Variants in ZFYVE27 observed in about 807,000 individuals in gnomAD.
The protein encoded by ZFYVE27 is protrudin.
A neutral mutation model predicts 52.8 loss-of-function variants in ZFYVE27; 36 were observed. The observed-to-expected ratio is 0.68, with a 90% CI of 0.52 to 0.90. The LOEUF is 0.90. ZFYVE27 is among the 40% of genes least tolerant of loss of function. The pLI, the probability that ZFYVE27 is intolerant of heterozygous loss-of-function variation, is 0.00. For missense variants in ZFYVE27, 450 were observed against 527.2 expected, an observed-to-expected ratio of 0.85 and a Z score of 1.43; for synonymous variants, 223 against 215.6, an observed-to-expected ratio of 1.03 and a Z score of -0.30.
At chr10:97,750,830 T>C (rs1364087214) in intron 7 of ZFYVE27, among the ~76,000 whole-genome samples, 1 of 151,510 alleles carries the variant, frequency 6.6e-6, no homozygotes, top group Non-Finnish European at 1.5e-5. Context: ...AACCTCCATC[T>C]CCTGGGCTCA....
intron 8 of ZFYVE27, 93 bp downstream of exon 8, chr10:97,751,555 T>C: frequency 7.8e-7 from 1 of 1,278,048 alleles, no homozygotes. Flanking sequence ...AATGTCCAAG[T>C]GAGAAGCTAA....
chr10:97,746,375 C>A (rs965457583), intron 4 of ZFYVE27, among the ~76,000 whole-genome samples: 2 of 152,098 alleles, frequency 1.3e-5, no homozygotes, highest in Non-Finnish European at 2.9e-5. Context: ...TAAAGAAGTA[C>A]AGGAATAATA....
intron 4 of ZFYVE27, 47 bp from the exon 5 acceptor site, chr10:97,748,221 TC>T (rs1564818913): frequency 1.3e-6 from 2 of 1,585,294 alleles, no homozygotes; most frequent in Admixed American, 1.7e-5. Context: ...AGGCTCCACT[TC>T]CCAGGGCTTC....
In ZFYVE27 at chr10:97,749,809, C is replaced by T. The variant is rs189103465; in HGVS notation, c.664+223C>T. On this transcript the variant is annotated intron_variant, in intron 6 of 12. Transcript: ENST00000684270. ...CTACCATTGGGCTCCCATCTCCCTT[C>T]GCTCCCTTCCCAAGGCAGATGAATC... 1.1e-3 allele frequency among the ~76,000 whole-genome samples: 168 copies of T among 152,352 alleles called. 1 individual carries two copies. The highest frequency in any genetic ancestry group is 3.8e-3 in the African/African-American group (157 of 41,590).
chr10:97,740,683 C>G (rs539900251), intron 2 of ZFYVE27, among the ~76,000 whole-genome samples: 1 of 152,314 alleles, frequency 6.6e-6, no homozygotes, highest in South Asian at 2.1e-4. Flanking sequence ...CCCCCAGGAG[C>G]CTGCAGTTTC....
chr10:97,743,235 C>T, intron 3 of ZFYVE27, 71 bp downstream of exon 3: 1 of 1,552,940 alleles, frequency 6.4e-7, no homozygotes, highest in Non-Finnish European at 8.9e-7. Flanking sequence ...GATGCAGCCC[C>T]ACCCTATGTG....
intron 10 of ZFYVE27, 117 bp from the exon 11 acceptor site, chr10:97,757,148 T>G: frequency 7.0e-7 from 1 of 1,430,220 alleles, no homozygotes; most frequent in Admixed American, 1.7e-5. Context: ...TGGCTCACTG[T>G]GTCCAGCCAA....
At position 97,757,278 on chromosome 10, in the gene ZFYVE27, C is replaced by T; in HGVS notation, c.1056C>T (p.Gly352=). 6.2e-7 allele frequency: 1 copy of T among 1,614,124 alleles called. No homozygotes were observed. The highest frequency in any genetic ancestry group is 8.5e-7 in the Non-Finnish European group (1 of 1,180,020). Residue 352 remains glycine (G), a synonymous_variant, in exon 11 of 13, where the codon GGC becomes GGT. Coordinates refer to ENST00000684270, the MANE Select transcript of ZFYVE27 (RefSeq NM_001385875.1). ...YPTNNFGNCT[G]CSATFSVLKK... is the part of the protein sequence containing the mutation. ...TCTGTTTCTCAGGGAACTGCACGGG[C>T]TGCTCGGCCACCTTCTCAGTGCTGA... is the stretch of plus-strand genomic sequence containing the variant.
At chr10:97,747,433 A>G (rs1262728188) in intron 4 of ZFYVE27, among the ~76,000 whole-genome samples, 4 of 152,206 alleles carry the variant, frequency 2.6e-5, no homozygotes, top group Non-Finnish European at 5.9e-5. Context: ...TCTTGCCTTA[A>G]TCAGTTTATT....
Position 97,751,672 on chromosome 10 carries a change from C to T in ZFYVE27, c.876+210C>T, listed in dbSNP as rs3814558. ...TCCTGGGTGCCCAGGGCAAGAGTGG[C>T]TCTGGAAGTCTCCGGGTAATGCCCT... On this transcript the variant is annotated intron_variant, in intron 8 of 12. Coordinates refer to ENST00000684270, the MANE Select transcript of ZFYVE27 (RefSeq NM_001385875.1). 0.62 allele frequency among the ~76,000 whole-genome samples: 93,844 copies of T among 152,030 alleles called. 30,462 individuals are homozygous for T. The highest frequency in any genetic ancestry group is 0.73 in the Middle Eastern group (214 of 294).
At chr10:97,751,545 A>G in intron 8 of ZFYVE27, 83 bp downstream of exon 8, 2 of 1,400,384 alleles carry the variant, frequency 1.4e-6, no homozygotes, top group Non-Finnish European at 1.0e-6. Context: ...TTTGTTTTTT[A>G]ATGTCCAAGT....
chr10:97,757,572 G>A, intron 11 of ZFYVE27, 70 bp from the exon 12 acceptor site: 1 of 1,523,872 alleles, frequency 6.6e-7, no homozygotes, highest in South Asian at 1.1e-5. Flanking sequence ...CTGGTGGAAA[G>A]GAGGGAGGTG....
Position 97,750,400 on chromosome 10 carries a change from G to A in ZFYVE27, c.734G>A (p.Ser245Asn), listed in dbSNP as rs1335300073. The A allele has an allele frequency of 6.2e-7, 1 of 1,614,176 alleles. No homozygotes were observed. Among genetic ancestry groups the A allele is most frequent in the East Asian group, 2.2e-5 (1 of 44,868 alleles). Residue 245 changes from serine (S) to asparagine (N), a missense_variant, in exon 7 of 13, where the codon AGT becomes AAT. Transcript: ENST00000684270. ...AAGCAGGAAGAGCATGCCTTTGAGA[G>A]TCCTCCACCACCAGATGTTGGGGGG... ...NPKQEEHAFESPPPPDVGGKD... is the reference protein window; with the variant it reads ...NPKQEEHAFENPPPPDVGGKD...
intron 8 of ZFYVE27, among the ~76,000 whole-genome samples, chr10:97,751,698 G>A (rs564277158): frequency 6.6e-6 from 1 of 152,282 alleles, no homozygotes; most frequent in Non-Finnish European, 1.5e-5. Flanking sequence ...GTAATGCCCT[G>A]CTAGGGGAGC....
rs1158851964 is a variant in ZFYVE27, at chr10:97,760,380, C to T, written c.*1080C>T. 1.3e-5 allele frequency: 2 copies of T among 152,262 alleles called. No homozygotes were observed. Among genetic ancestry groups the T allele is most frequent in the Non-Finnish European group, 2.9e-5 (2 of 68,066 alleles). 9.4% of individuals were successfully genotyped at this position (152,262 alleles called of 1,614,324 possible). ...GTTCACTACTGGACTCTTACGGGCTCAGTATCTCTCCCTTAGCCATGAGCT... is the reference window on the plus strand; with the variant it reads ...GTTCACTACTGGACTCTTACGGGCTTAGTATCTCTCCCTTAGCCATGAGCT... On this transcript the variant is annotated 3_prime_UTR_variant, in exon 13 of 13. Transcript: ENST00000684270.
intron 7 of ZFYVE27, among the ~76,000 whole-genome samples, chr10:97,751,139 C>T (rs548464723): frequency 1.3e-5 from 2 of 152,070 alleles, no homozygotes; most frequent in Admixed American, 1.3e-4. Flanking sequence ...AGACCCCAGC[C>T]CTGTGGTTCT....
At chr10:97,757,854 T>G in intron 12 of ZFYVE27, 131 bp downstream of exon 12, 1 of 823,702 alleles carries the variant, frequency 1.2e-6, no homozygotes, top group South Asian at 1.6e-5. Flanking sequence ...GAACGTTTCC[T>G]CCATCCCCTT....
chr10:97,758,747 G>C (rs1437029593), intron 12 of ZFYVE27, among the ~76,000 whole-genome samples: 1 of 152,136 alleles, frequency 6.6e-6, no homozygotes, highest in African/African-American at 2.4e-5. Flanking sequence ...GGTAACCACT[G>C]TTAAAACATT....
chr10:97,740,641 G>A (rs1222769492), intron 2 of ZFYVE27, among the ~76,000 whole-genome samples: 1 of 152,256 alleles, frequency 6.6e-6, no homozygotes, highest in Non-Finnish European at 1.5e-5. Flanking sequence ...ATTGGTTAAA[G>A]CAGGATGCAG....
Sources: allele counts gnomAD v4.1 joint callset (sites outside exome capture counted in the v4.1 genomes callset), GRCh38; gene constraint gnomAD v4.1.1; transcripts MANE v1.5; gene names NCBI Gene and HGNC (gene_info 2026-07-23, HGNC 2026-07-21).